The following ERG28 variants were observed in gnomAD, a reference collection of about 807,000 sequenced individuals.
The protein encoded by ERG28 is ergosterol biosynthetic protein 28 homolog.
ERG28 carries 9 observed loss-of-function variants against 15.7 expected under a neutral mutation model. The ratio of observed to expected loss-of-function variants is 0.57; its 90% CI spans 0.35 to 1.00. The LOEUF (loss-of-function observed/expected upper bound fraction) is 1.00. Ranked by LOEUF, ERG28 falls within the 50% of genes least tolerant of loss-of-function variation. The probability of loss-of-function intolerance (pLI) is 0.02; values close to 1 mark genes in which losing one functional copy is unlikely to be tolerated. For synonymous variants in ERG28, 61 were observed against 68.4 expected (o/e 0.89, Z 0.53); for missense variants, 117 against 173.3 (o/e 0.68, Z 1.82).
chr14:75,657,564 A>G, intron 1 of ERG28, 31 bp from the exon 2 acceptor site: 1 of 1,594,894 alleles, frequency 6.3e-7, no homozygotes, highest in Non-Finnish European at 8.6e-7. Context: ...ACATGAGACA[A>G]TGAGGGCCAG....
chr14:75,658,884 C>A (rs1890632727), intron 1 of ERG28, among the ~76,000 whole-genome samples: 1 of 152,028 alleles, frequency 6.6e-6, no homozygotes, highest in African/African-American at 2.4e-5. Context: ...AGAGATAAAG[C>A]CTCTTTTCCT....
intron 1 of ERG28, among the ~76,000 whole-genome samples, chr14:75,660,286 T>G (rs1180771056): frequency 6.6e-6 from 1 of 152,204 alleles, no homozygotes; most frequent in Admixed American, 6.5e-5. Context: ...ATACAACATC[T>G]ATTTCCAAAT....
At chr14:75,658,604 C>T (rs901929448) in intron 1 of ERG28, among the ~76,000 whole-genome samples, 12 of 152,158 alleles carry the variant, frequency 7.9e-5, no homozygotes, top group Non-Finnish European at 1.2e-4. Flanking sequence ...GACTTTTTGA[C>T]GTATAGAGCC....
Position 75,656,279 on chromosome 14 carries a change from AACACACACACACACACAC to A in ERG28, c.133+1073_133+1090del, listed in dbSNP as rs34053718. 7.4e-3 allele frequency among the ~76,000 whole-genome samples: 1,008 copies of A among 135,978 alleles called. 18 individuals are homozygous for A. Among genetic ancestry groups the A allele is most frequent in the African/African-American group, 0.026 (958 of 37,022 alleles). 89.2% of individuals were successfully genotyped at this position (135,978 alleles called of 152,430 possible). On this transcript the variant is annotated intron_variant, in intron 2 of 4. Coordinates refer to ENST00000256319, the MANE Select transcript of ERG28 (RefSeq NM_007176.4). ...GCAGCCTCAGCTTCCGTGCTGGCTG[AACACACACACACACACAC>A]ACACACACACACACACACACACACA...
chr14:75,654,940 G>A lies in ERG28; in HGVS notation c.170C>T (p.Thr57Met), dbSNP rs757383277. Residue 57 changes from threonine (T) to methionine (M), a missense_variant, in exon 3 of 5, where the codon ACG becomes ATG. Physicochemically the swap from Thr to Met is moderately conservative, Grantham distance 81 (BLOSUM62 -1). Coordinates refer to ENST00000256319, the MANE Select transcript of ERG28 (RefSeq NM_007176.4). ...GCAGCGAATCACTGATGAGAGCAGC[G>A]TCCAGATCCCAAAGGTCCGAGCTTG... Reference protein sequence around the residue: ...GLQARTFGIWTLLSSVIRCLC... With the variant: ...GLQARTFGIWMLLSSVIRCLC... The A allele has an allele frequency of 3.7e-5, 59 of 1,613,976 alleles. No individual in the cohort carries two copies. Among genetic ancestry groups the A allele is most frequent in the Non-Finnish European group, 4.5e-5 (53 of 1,179,990 alleles).
chr14:75,657,212 C>A (rs190700733), intron 2 of ERG28, among the ~76,000 whole-genome samples, 158 bp downstream of exon 2: 1 of 152,068 alleles, frequency 6.6e-6, no homozygotes, highest in Non-Finnish European at 1.5e-5. Context: ...TTCCTGAGCT[C>A]CACCCAGGTT....
intron 1 of ERG28, among the ~76,000 whole-genome samples, chr14:75,658,402 T>C (rs998934941): frequency 6.6e-6 from 1 of 152,100 alleles, no homozygotes; most frequent in African/African-American, 2.4e-5. Flanking sequence ...AGATAAGCAA[T>C]ATTAAAACAA....
At position 75,651,441 on chromosome 14, in the gene ERG28, A is replaced by C; in HGVS notation, c.*114T>G. ...TTAAAAATTAAAAAAAGAGGCTAAA[A>C]GTGAATAAAAGGGCAGATGATGGAA... On this transcript the variant is annotated 3_prime_UTR_variant, in exon 5 of 5. Coordinates refer to ENST00000256319, the MANE Select transcript of ERG28 (RefSeq NM_007176.4). 1 of 1,034,046 alleles carries C rather than the reference A, an allele frequency of 9.7e-7. No homozygotes were observed. Among genetic ancestry groups the C allele is most frequent in the South Asian group, 1.6e-5 (1 of 62,844 alleles). The allele number at this position is 1,034,046 out of a possible 1,614,324, so 64.1% of individuals were successfully genotyped here. A position where few individuals can be genotyped will look rare whatever the true frequency, so the allele number is the denominator to read the frequency against.
chr14:75,657,375 T>C lies in ERG28; in HGVS notation c.128A>G (p.Asn43Ser). 6.2e-7 allele frequency: 1 copy of C among 1,614,058 alleles called. No homozygotes were observed. Among genetic ancestry groups the C allele is most frequent in the Non-Finnish European group, 8.5e-7 (1 of 1,179,958 alleles). The change falls in exon 2 of 5, where the codon AAC (asparagine) becomes AGC (serine). Residue 43 changes from asparagine to serine, a missense_variant. By Grantham distance (46) the Asn-to-Ser change is conservative. Coordinates refer to ENST00000256319, the MANE Select transcript of ERG28 (RefSeq NM_007176.4). ...GAAATTCTTTGATTTCTTACCAAGG[T>C]TTGGCTTGCCAGTGTAGAGCTTTTC... ...LYEKLYTGKP[N>S]LVNGLQARTF... is the part of the protein sequence containing the mutation.
At position 75,651,490 on chromosome 14, in the gene ERG28, G is replaced by T; in HGVS notation, c.*65C>A. On this transcript the variant is annotated 3_prime_UTR_variant, in exon 5 of 5. Transcript: ENST00000256319. ...AATAGAAAAGAAATTAAAGAGGAGAGACGACGAAGGAAGAAGATGGCCAAG... is the reference window on the plus strand; with the variant it reads ...AATAGAAAAGAAATTAAAGAGGAGATACGACGAAGGAAGAAGATGGCCAAG... The T allele has an allele frequency of 6.9e-7, 1 of 1,445,878 alleles. No homozygotes were observed. The allele number at this position is 1,445,878 out of a possible 1,614,324, so 89.6% of individuals were successfully genotyped here.
At chr14:75,652,703 A>G (rs1890542765) in intron 3 of ERG28, among the ~76,000 whole-genome samples, 1 of 152,168 alleles carries the variant, frequency 6.6e-6, no homozygotes, top group Non-Finnish European at 1.5e-5. Flanking sequence ...CTTACAGAGA[A>G]GAGTTAAATC....
Position 75,651,762 on chromosome 14 carries a change from G to A in ERG28, c.343+9C>T, listed in dbSNP as rs780976865. ...TCCTGTAGGAGGTCTAGGGTGGTTG[G>A]ATGCTTACTTGCCACCATCAGGGGT... On this transcript the variant is annotated intron_variant, in intron 4 of 4. Transcript: ENST00000256319. 1.2e-6 allele frequency: 2 copies of A among 1,607,984 alleles called. No individual in the cohort carries two copies. The highest frequency in any genetic ancestry group is 2.2e-5 in the South Asian group (2 of 90,952).
At chr14:75,655,688 G>C (rs187159015) in intron 2 of ERG28, among the ~76,000 whole-genome samples, 3 of 152,254 alleles carry the variant, frequency 2.0e-5, no homozygotes, top group African/African-American at 7.2e-5. Context: ...AATCAACTGA[G>C]GTAGTTTTAT....
chr14:75,655,547 T>G (rs1351612361), intron 2 of ERG28, among the ~76,000 whole-genome samples: 1 of 152,254 alleles, frequency 6.6e-6, no homozygotes, highest in Non-Finnish European at 1.5e-5. Context: ...AAGCACTGTT[T>G]CTTTGGTGTT....
At chr14:75,659,875 C>T (rs61565291) in intron 1 of ERG28, among the ~76,000 whole-genome samples, 12,412 of 151,086 alleles carry the variant, frequency 0.082, 714 homozygotes, top group African/African-American at 0.14. Flanking sequence ...CCGCCCCCCC[C>T]CGCCAACTCC....
rs151272897 is a variant in ERG28, at chr14:75,659,273, G to C, written c.-32+1502C>G. Among the ~76,000 whole-genome samples, 256 of 152,216 alleles carry C rather than the reference G, an allele frequency of 1.7e-3. 2 individuals carry two copies. Among genetic ancestry groups the C allele is most frequent in the South Asian group, 0.016 (76 of 4,822 alleles). On this transcript the variant is annotated intron_variant, in intron 1 of 4. Transcript: ENST00000256319. ...AATGAAGTTCCCATTTTTTGAGAAA[G>C]AAAAGCATACCATATCCACTTTTGT...
At chr14:75,659,632 A>G (rs776616245) in intron 1 of ERG28, among the ~76,000 whole-genome samples, 12 of 151,802 alleles carry the variant, frequency 7.9e-5, no homozygotes, top group Non-Finnish European at 1.3e-4. Context: ...TCTGATTTAA[A>G]TAAAACCAAA....
intron 3 of ERG28, among the ~76,000 whole-genome samples, chr14:75,653,813 G>A (rs1470477293): frequency 3.3e-5 from 5 of 152,092 alleles, no homozygotes; most frequent in Non-Finnish European, 5.9e-5. Context: ...AGGCCAAGGT[G>A]CAAGGAAGGT....
chr14:75,656,673 G>A (rs1011842222), intron 2 of ERG28, among the ~76,000 whole-genome samples: 3 of 152,168 alleles, frequency 2.0e-5, no homozygotes, highest in Non-Finnish European at 4.4e-5. Flanking sequence ...CAGTGCTGCA[G>A]CTTAAACTAC....
Sources: gnomAD v4.1 joint callset for allele counts (sites outside exome capture counted in the v4.1 genomes callset) on GRCh38, gnomAD v4.1.1 for gene constraint, MANE v1.5 for transcripts, NCBI Gene and HGNC (gene_info 2026-07-23, HGNC 2026-07-21) for gene names.